The following LINC00632 variants were observed in gnomAD, a reference collection of about 807,000 sequenced individuals.
LINC00632 encodes the protein long independently transcribed non-coding RNA 632.
chrX:140,764,282 C>G lies in LINC00632; in HGVS notation n.192-7796C>G, dbSNP rs200847429. ...ACGACTTTTACAGTTATTGAATAAC[C>G]AACAGACCCTTGGAGGGTCTCTTAC... On this transcript the variant is annotated intron_variant and non_coding_transcript_variant, in intron 3 of 4. Coordinates refer to ENST00000648200, the Ensembl canonical transcript of LINC00632. Among the ~76,000 whole-genome samples, 13 of 104,601 alleles carry G rather than the reference C, an allele frequency of 1.2e-4. No homozygotes were observed. In the East Asian group the frequency reaches 1.8e-3, roughly 15 times the overall value. 90.8% of individuals were successfully genotyped at this position (104,601 alleles called of 115,157 possible). A position where few individuals can be genotyped will look rare whatever the true frequency, so the allele number is the denominator to read the frequency against.
chrX:140,774,784 A>T (rs2148402364), exon 5 of LINC00632, among the ~76,000 whole-genome samples: 1 of 111,373 alleles, frequency 9.0e-6, no homozygotes, highest in African/African-American at 3.3e-5. Flanking sequence ...GGCTTTCATA[A>T]TACTCATGTC....
At chrX:140,711,693 T>A (rs760473015) in intron 2 of LINC00632, 14 of 251,515 alleles carry the variant, frequency 5.6e-5, no homozygotes, top group African/African-American at 3.8e-4. Context: ...CCCCAACACC[T>A]ATCACCTAAT....
exon 4 of LINC00632, chrX:140,772,209 G>T: frequency 3.4e-6 from 1 of 296,402 alleles, no homozygotes; most frequent in South Asian, 2.0e-4. Flanking sequence ...GCTTTGGAAC[G>T]ATATGCAAGT....
rs1270151364 is a variant in LINC00632 at position 140,739,046 on chromosome X, G to C, written n.191+5082G>C. On this transcript the variant is annotated intron_variant and non_coding_transcript_variant, in intron 3 of 4. Coordinates refer to ENST00000648200, the Ensembl canonical transcript of LINC00632. The stretch of plus-strand genomic sequence containing the variant: ...TAGTAAGCAAGAAAAAGTTTAAAAA[G>C]TAATATTCCAGTAAGAATATTGGAA... Among the ~76,000 whole-genome samples the C allele has an allele frequency of 4.5e-5, 5 of 110,720 alleles. No homozygotes were observed. In the Admixed American group the frequency reaches 4.9e-4, roughly 11 times the overall value.
At chrX:140,720,284 G>C (rs1254227370) in intron 2 of LINC00632, among the ~76,000 whole-genome samples, 2 of 110,305 alleles carry the variant, frequency 1.8e-5, no homozygotes, top group Non-Finnish European at 3.8e-5. Flanking sequence ...CAGAAGAAAT[G>C]CTCAAAAATA....
intron 3 of LINC00632, among the ~76,000 whole-genome samples, chrX:140,771,612 T>TACACAC (rs77229499): frequency 5.0e-5 from 4 of 79,728 alleles, no homozygotes; most frequent in East Asian, 7.9e-4. Flanking sequence ...TTGGCATATA[T>TACACAC]ACACACACAC....
chrX:140,748,368 A>C (rs776875643), intron 3 of LINC00632, among the ~76,000 whole-genome samples: 5 of 112,259 alleles, frequency 4.5e-5, no homozygotes, highest in Admixed American at 9.5e-5. Context: ...AAGTGGGACC[A>C]TAAACCAGCA....
exon 5 of LINC00632, among the ~76,000 whole-genome samples, chrX:140,778,035 A>C (rs1931894519): frequency 8.9e-6 from 1 of 112,458 alleles, no homozygotes; most frequent in African/African-American, 3.2e-5. Context: ...GAAAGGAAAG[A>C]GAGGCAGTAC....
intron 2 of LINC00632, among the ~76,000 whole-genome samples, chrX:140,716,780 T>TAC (rs200811174): frequency 0.36 from 32,135 of 89,398 alleles, 4,877 homozygotes; most frequent in East Asian, 0.56. Context: ...GCCCACAACA[T>TAC]ACACACACAC....
exon 5 of LINC00632, among the ~76,000 whole-genome samples, chrX:140,789,520 T>G (rs936921011): frequency 8.9e-6 from 1 of 111,809 alleles, no homozygotes; most frequent in Non-Finnish European, 1.9e-5. Context: ...CTTTACAATT[T>G]TTTTGCACTT....
chrX:140,778,429 A>G lies in LINC00632; in HGVS notation n.6448A>G, dbSNP rs760504616. Among the ~76,000 whole-genome samples the G allele has an allele frequency of 2.7e-5, 3 of 110,528 alleles. No individual in the cohort carries two copies. In the East Asian group the frequency reaches 8.6e-4, roughly 32 times the overall value. On this transcript the variant is annotated non_coding_transcript_exon_variant, in exon 5 of 5. Coordinates refer to ENST00000648200, the Ensembl canonical transcript of LINC00632. ...AGACCATCCTGGCCAACATGGTGAAACCCCATCTCTACTAAAAATATAAAA... is the reference window on the plus strand; with the variant it reads ...AGACCATCCTGGCCAACATGGTGAAGCCCCATCTCTACTAAAAATATAAAA...
rs1931609915 is a variant in LINC00632, at chrX:140,762,235, GA to G, written n.192-9842del. 2.8e-5 allele frequency among the ~76,000 whole-genome samples: 3 copies of G among 108,078 alleles called. 1 individual carries two copies. The South Asian group carries it at 1.3e-3, about 45-fold the overall frequency. The allele number at this position is 108,078 out of a possible 115,157, so 93.9% of individuals were successfully genotyped here. ...AGAGAGAGAGAGAGAGAGAGAGAGA[GA>G]GAGAGAGCACTCTTATCTTTCCCCA... On this transcript the variant is annotated intron_variant and non_coding_transcript_variant, in intron 3 of 4. Transcript: ENST00000648200.
intron 3 of LINC00632, among the ~76,000 whole-genome samples, chrX:140,754,320 G>T (rs1172244538): frequency 9.0e-6 from 1 of 111,028 alleles, no homozygotes; most frequent in Non-Finnish European, 1.9e-5. Flanking sequence ...TAAGGCCATG[G>T]GTGGTGTAAT....
At position 140,771,683 on chromosome X, in the gene LINC00632, A is replaced by AT. The variant is rs1286518719; in HGVS notation, n.192-394dup. On this transcript the variant is annotated intron_variant and non_coding_transcript_variant, in intron 3 of 4. Transcript: ENST00000648200. ...TGTGTGTGTATATATATATATATAT[A>AT]TATTTTTTTTTTTTGAGACGGAATC... 5.9e-3 allele frequency among the ~76,000 whole-genome samples: 350 copies of AT among 59,004 alleles called. 8 individuals carry two copies. Among genetic ancestry groups the AT allele is most frequent in the African/African-American group, 0.016 (186 of 11,700 alleles). 51.2% of individuals were successfully genotyped at this position (59,004 alleles called of 115,157 possible).
At chrX:140,713,783 A>C in intron 2 of LINC00632, 3 of 337,253 alleles carry the variant, frequency 8.9e-6, no homozygotes, top group Non-Finnish European at 1.8e-5. Flanking sequence ...GTACTGCTTA[A>C]TGCAGAGACT....
chrX:140,742,932 AAAG>A (rs1448941765), intron 3 of LINC00632, among the ~76,000 whole-genome samples: 2 of 107,757 alleles, frequency 1.9e-5, no homozygotes, highest in African/African-American at 6.8e-5. Flanking sequence ...AGGGAAAAGA[AAAG>A]AAAGTGGCCA....
chrX:140,756,094 T>A (rs1253439048), intron 3 of LINC00632, among the ~76,000 whole-genome samples: 5 of 111,274 alleles, frequency 4.5e-5, no homozygotes, highest in Non-Finnish European at 9.4e-5. Flanking sequence ...GGGCCTAACT[T>A]TTTTAGAACA....
intron 3 of LINC00632, among the ~76,000 whole-genome samples, chrX:140,743,046 G>A (rs1352278192): frequency 9.3e-6 from 1 of 107,755 alleles, no homozygotes; most frequent in Non-Finnish European, 1.9e-5. Flanking sequence ...CCAACATGGT[G>A]AAACCCCGTC....
intron 3 of LINC00632, among the ~76,000 whole-genome samples, chrX:140,737,560 T>C (rs1221269104): frequency 2.7e-5 from 3 of 111,622 alleles, no homozygotes; most frequent in Admixed American, 9.6e-5. Flanking sequence ...CTAGAACTTA[T>C]TCCTTCTATT....
Sources: allele counts gnomAD v4.1 joint callset (sites outside exome capture counted in the v4.1 genomes callset), GRCh38; gene constraint gnomAD v4.1.1; transcripts MANE v1.5; gene names NCBI Gene and HGNC (gene_info 2026-07-23, HGNC 2026-07-21).